The following RBFOX3 variants were observed in gnomAD, a reference collection of about 807,000 sequenced individuals.
The protein encoded by RBFOX3 is RNA binding fox-1 homolog 3.
In RBFOX3, 17 loss-of-function variants were observed where a neutral mutation model predicts 48.7. The ratio of observed to expected loss-of-function variants is 0.35; its 90% CI spans 0.24 to 0.52. RBFOX3 has a LOEUF of 0.52. Among genes scored for constraint, RBFOX3 ranks in the 20% least tolerant of loss-of-function variants. The pLI, the probability that RBFOX3 is intolerant of heterozygous loss-of-function variation, is 0.94. For missense variants in RBFOX3, 382 were observed against 497.5 expected (o/e 0.77, Z 2.21); for synonymous variants, 212 against 209.5 (o/e 1.01, Z -0.10).
chr17:79,277,945 A>G (rs79683974), intron 3 of RBFOX3, among the ~76,000 whole-genome samples: 1 of 152,316 alleles, frequency 6.6e-6, no homozygotes, highest in East Asian at 1.9e-4. Context: ...CCGAAGCAAA[A>G]TCCCAAGAGC....
At chr17:79,639,235 C>T in the RBFOX3 span, among the ~76,000 whole-genome samples, 11 of 152,008 alleles carry the variant, frequency 7.2e-5, no homozygotes, top group South Asian at 2.1e-4. Flanking sequence ...AGTGCAGCGG[C>T]GCAATCTCGG....
intron 2 of RBFOX3, among the ~76,000 whole-genome samples, chr17:79,380,503 T>C (rs1425657225): frequency 6.6e-6 from 1 of 151,504 alleles, no homozygotes; most frequent in Non-Finnish European, 1.5e-5. Flanking sequence ...GCACAACCCC[T>C]GGGGTCTGCC....
chr17:79,425,363 T>G (rs1220025882), intron 2 of RBFOX3, among the ~76,000 whole-genome samples: 2 of 151,840 alleles, frequency 1.3e-5, no homozygotes, highest in Admixed American at 1.3e-4. Context: ...GTGGCCCCAG[T>G]GCTCACTGGG....
rs77060972 is a variant in RBFOX3 at position 79,383,096 on chromosome 17, G to A, written c.-174-75272C>T. On this transcript the variant is annotated intron_variant, in intron 2 of 14. Transcript: ENST00000693108. ...CACAGTGTGTAGAATCAATACCGCA[G>A]CCTTCACCAGAGCCCTGGGGTCCAG... Among the ~76,000 whole-genome samples, 993 of 146,340 alleles carry A rather than the reference G, an allele frequency of 6.8e-3. 8 individuals carry two copies. Among genetic ancestry groups the A allele is most frequent in the African/African-American group, 0.025 (952 of 38,076 alleles).
chr17:79,454,906 C>T (rs1416696454), intron 2 of RBFOX3, among the ~76,000 whole-genome samples: 1 of 152,314 alleles, frequency 6.6e-6, no homozygotes, highest in East Asian at 1.9e-4. Flanking sequence ...GGGCCCTGCA[C>T]CCAGAGGCAG....
intron 2 of RBFOX3, among the ~76,000 whole-genome samples, chr17:79,320,419 A>G (rs1382989031): frequency 6.6e-6 from 1 of 152,222 alleles, no homozygotes; most frequent in Non-Finnish European, 1.5e-5. Flanking sequence ...TGGGGCACAG[A>G]CTGGAGAATG....
intron 2 of RBFOX3, among the ~76,000 whole-genome samples, chr17:79,416,870 T>G (rs1449184413): frequency 6.6e-6 from 1 of 152,204 alleles, no homozygotes; most frequent in Non-Finnish European, 1.5e-5. Context: ...GGATGTGCTG[T>G]TTTGGGGATG....
rs2077370172 is a variant in RBFOX3, at chr17:79,106,387, G to A, written c.360+264C>T. Among the ~76,000 whole-genome samples the A allele has an allele frequency of 2.6e-5, 4 of 152,222 alleles. No homozygotes were observed. In the South Asian group the frequency reaches 8.3e-4, roughly 32 times the overall value. The stretch of plus-strand genomic sequence containing the variant: ...GGATTTCTGGCTGGGAGCAGGAGGG[G>A]TGGGGTTTGAGGGGCAGCCGCAACA... On this transcript the variant is annotated intron_variant, in intron 6 of 14. Transcript: ENST00000693108.
chr17:79,531,706 G>C (rs2087805139), intron 1 of RBFOX3, among the ~76,000 whole-genome samples: 1 of 152,108 alleles, frequency 6.6e-6, no homozygotes, highest in Non-Finnish European at 1.5e-5. Context: ...AGCCCTTTTT[G>C]GCAGCAAACG....
intron 1 of RBFOX3, among the ~76,000 whole-genome samples, chr17:79,504,249 C>T (rs922415081): frequency 2.0e-5 from 3 of 152,240 alleles, no homozygotes; most frequent in Non-Finnish European, 4.4e-5. Context: ...GTAACAAAGC[C>T]GTTGGCAGCA....
intron 4 of RBFOX3, among the ~76,000 whole-genome samples, chr17:79,208,875 A>T (rs1212869408): frequency 2.0e-5 from 3 of 150,846 alleles, no homozygotes; most frequent in East Asian, 2.0e-4. Flanking sequence ...GAGTGCAGTG[A>T]TGTGATCTCG....
chr17:79,651,838 C>CTCTCTCT, the RBFOX3 span, among the ~76,000 whole-genome samples: 1 of 93,392 alleles, frequency 1.1e-5, no homozygotes, highest in African/African-American at 4.5e-5. Flanking sequence ...CTCTCTCTCT[C>CTCTCTCT]TTCTCTCTCT....
At chr17:79,277,539 C>T (rs117805301) in intron 3 of RBFOX3, among the ~76,000 whole-genome samples, 23 of 152,360 alleles carry the variant, frequency 1.5e-4, no homozygotes, top group Non-Finnish European at 3.1e-4. Flanking sequence ...GCAGCCCAAT[C>T]TCTGCTGTTA....
chr17:79,557,235 A>C (rs1251453606), intron 1 of RBFOX3, among the ~76,000 whole-genome samples: 224 of 151,110 alleles, frequency 1.5e-3, no homozygotes, highest in African/African-American at 5.2e-3. Flanking sequence ...CAAAAAAAAA[A>C]AAAAAAAAAA....
At chr17:79,435,917 T>C (rs1196956809) in intron 2 of RBFOX3, among the ~76,000 whole-genome samples, 1 of 152,148 alleles carries the variant, frequency 6.6e-6, no homozygotes, top group Non-Finnish European at 1.5e-5. Flanking sequence ...AAGTCAAACA[T>C]AATTGGGAAG....
At chr17:79,368,455 C>T (rs2058086842) in intron 2 of RBFOX3, among the ~76,000 whole-genome samples, 2 of 152,224 alleles carry the variant, frequency 1.3e-5, no homozygotes, top group Admixed American at 1.3e-4. Context: ...CCTAGGACGC[C>T]CGCATTTGCA....
chr17:79,528,214 CCTCTGAGGTGT>C, intron 1 of RBFOX3, among the ~76,000 whole-genome samples: 2 of 151,082 alleles, frequency 1.3e-5, no homozygotes, highest in Admixed American at 6.6e-5. Flanking sequence ...CTTAGTTGAA[CCTCTGAGGTGT>C]CTCTGAGGAG....
chr17:79,140,236 G>T (rs1165981446), intron 4 of RBFOX3, among the ~76,000 whole-genome samples: 2 of 152,266 alleles, frequency 1.3e-5, no homozygotes, highest in Non-Finnish European at 2.9e-5. Context: ...GGCTGCGAGA[G>T]CTTAGTGGCT....
chr17:79,645,541 C>T, the RBFOX3 span, among the ~76,000 whole-genome samples: 1 of 152,216 alleles, frequency 6.6e-6, no homozygotes, highest in Non-Finnish European at 1.5e-5. Flanking sequence ...TACCTTCCAG[C>T]TGCCCCTTCT....
Sources: gnomAD v4.1 joint callset for allele counts (sites outside exome capture counted in the v4.1 genomes callset) on GRCh38, gnomAD v4.1.1 for gene constraint, MANE v1.5 for transcripts, NCBI Gene and HGNC (gene_info 2026-07-23, HGNC 2026-07-21) for gene names.